Variants in PTBP1 observed in about 807,000 individuals in gnomAD.
PTBP1 encodes polypyrimidine tract-binding protein 1.
PTBP1 carries 8 observed loss-of-function variants against 59.8 expected under a neutral mutation model. The ratio of observed to expected loss-of-function variants is 0.13; its 90% CI spans 0.08 to 0.24. The LOEUF (loss-of-function observed/expected upper bound fraction) is 0.24. Among genes scored for constraint, PTBP1 ranks in the 10% least tolerant of loss-of-function variants. The pLI is 1.00. For missense variants in PTBP1, 686 were observed against 767.0 expected (o/e 0.89, Z 1.25); for synonymous variants, 490 against 320.7 (o/e 1.53, Z -5.64).
intron 2 of PTBP1, among the ~76,000 whole-genome samples, chr19:802,469 G>A (rs1399891812): frequency 6.6e-6 from 1 of 152,014 alleles, no homozygotes; most frequent in Non-Finnish European, 1.5e-5. Context: ...GGGGGGACAG[G>A]GTGTGATATC....
In PTBP1 at chr19:806,436, C is replaced by G; in HGVS notation, c.999C>G (p.Ala333=). Residue 333 remains alanine (A), a synonymous_variant, in exon 10 of 15, where the codon GCC becomes GCG. Coordinates refer to ENST00000356948, the MANE Select transcript of PTBP1 (RefSeq NM_002819.5). ...AGLSVPNVHG[A]LAPLAIPSAA... ...TTTCCGTTCCGAACGTCCACGGCGC[C>G]CTGGCCCCCCTGGCCATCCCCTCGG... 6.2e-7 allele frequency: 1 copy of G among 1,601,764 alleles called. No homozygotes were observed. The highest frequency in any genetic ancestry group is 8.5e-7 in the Non-Finnish European group (1 of 1,174,430).
chr19:810,233 C>A (rs1464798280), intron 13 of PTBP1, among the ~76,000 whole-genome samples: 1 of 152,152 alleles, frequency 6.6e-6, no homozygotes, highest in South Asian at 2.1e-4. Flanking sequence ...CTTGAACCTG[C>A]AGGCGGAGGT....
At position 806,491 on chromosome 19, in the gene PTBP1, A is replaced by C. The variant is rs773692627; in HGVS notation, c.1054A>C (p.Ile352Leu). 6.3e-7 allele frequency: 1 copy of C among 1,585,298 alleles called. No individual in the cohort carries two copies. Among genetic ancestry groups the C allele is most frequent in the Admixed American group, 1.8e-5 (1 of 56,192 alleles). The part of the protein sequence containing the change: ...AAAAAAAAGR[I>L]AIPGLAGAGN... ...GGCGGCAGCTGCGGCGGCAGGTCGG[A>C]TCGCCATCCCGGGCCTGGCGGGGGC... is the stretch of plus-strand genomic sequence containing the variant. Residue 352 changes from isoleucine (I) to leucine (L), a missense_variant, in exon 10 of 15, where the codon ATC (isoleucine) becomes CTC (leucine). By Grantham distance (5) the Ile-to-Leu change is conservative (BLOSUM62 2). Coordinates refer to ENST00000356948, the MANE Select transcript of PTBP1 (RefSeq NM_002819.5).
chr19:806,260 C>T (rs990280689), intron 9 of PTBP1, 148 bp from the exon 10 acceptor site: 2 of 909,990 alleles, frequency 2.2e-6, no homozygotes, highest in East Asian at 3.4e-5. Flanking sequence ...GGTCGGACGA[C>T]CCCACAGGCA....
At chr19:798,997 G>T (rs995411015) in intron 1 of PTBP1, among the ~76,000 whole-genome samples, 2 of 152,266 alleles carry the variant, frequency 1.3e-5, no homozygotes, top group Non-Finnish European at 2.9e-5. Flanking sequence ...TGGAAGCTCT[G>T]GCCCAGGCCT....
Position 806,440 on chromosome 19 carries a change from GC to G in PTBP1, c.1009del (p.Leu337TrpfsTer57), listed in dbSNP as rs1421431048. The part of the protein sequence containing the change: ...LSVPNVHGAL[A>X]PLAIPSAAAA... ...CGTTCCGAACGTCCACGGCGCCCTG[GC>G]CCCCCTGGCCATCCCCTCGGCGGCG... On this transcript the variant is annotated frameshift_variant, in exon 10 of 15. Coordinates refer to ENST00000356948, the MANE Select transcript of PTBP1 (RefSeq NM_002819.5). LOFTEE classifies it high-confidence loss of function. The G allele has an allele frequency of 1.2e-6, 2 of 1,601,046 alleles. No homozygotes were observed. The highest frequency in any genetic ancestry group is 1.7e-6 in the Non-Finnish European group (2 of 1,174,164).
At chr19:803,752 C>A in intron 3 of PTBP1, 116 bp downstream of exon 3, 2 of 959,874 alleles carry the variant, frequency 2.1e-6, no homozygotes, top group Non-Finnish European at 3.2e-6. Context: ...CCATGGTCCA[C>A]GCTACAGACC....
chr19:798,410 T>C lies in PTBP1; in HGVS notation c.8+905T>C, dbSNP rs1251454917. 3 of 152,282 alleles carry C rather than the reference T, an allele frequency of 2.0e-5. No individual in the cohort carries two copies. In the East Asian group the frequency reaches 5.8e-4, roughly 29 times the overall value. 9.4% of individuals were successfully genotyped at this position (152,282 alleles called of 1,614,324 possible). The stretch of plus-strand genomic sequence containing the variant: ...GAGAGGCTGGAGATGTTTCGCATTC[T>C]TTCCGTTTTCCTGAGAAGTTTTTCT... On this transcript the variant is annotated intron_variant, in intron 1 of 14. Transcript: ENST00000356948.
chr19:806,189 CCGGCCCGTGCTGTGAGGAGAGGCGGG>C (rs2034562779), intron 9 of PTBP1, 193 bp from the exon 10 acceptor site: 1 of 486,578 alleles, frequency 2.1e-6, no homozygotes, highest in Non-Finnish European at 3.6e-6. Flanking sequence ...CAGGCCCGGC[CCGGCCCGTGCTGTGAGGAGAGGCGGG>C]CGCTGGTGCA....
chr19:806,270 A>C, intron 9 of PTBP1, 138 bp from the exon 10 acceptor site: 1 of 1,010,230 alleles, frequency 9.9e-7, no homozygotes, highest in South Asian at 2.0e-5. Context: ...CCCCACAGGC[A>C]CCCAGGGTAG....
At chr19:805,368 C>A in intron 8 of PTBP1, 124 bp from the exon 9 acceptor site, 1 of 1,198,026 alleles carries the variant, frequency 8.3e-7, no homozygotes, top group Non-Finnish European at 1.2e-6. Context: ...CCTGGAGCAG[C>A]GGATCTGCCC....
intron 2 of PTBP1, among the ~76,000 whole-genome samples, chr19:800,436 G>C (rs1219399095): frequency 6.6e-6 from 1 of 152,220 alleles, no homozygotes; most frequent in South Asian, 2.1e-4. Context: ...GGCGATTCTC[G>C]AGGGAGCTGT....
intron 10 of PTBP1, 67 bp downstream of exon 10, chr19:806,623 G>A: frequency 1.4e-6 from 2 of 1,411,828 alleles, no homozygotes; most frequent in South Asian, 1.5e-5. Context: ...TTGTGCTCGG[G>A]CTCGGGTCCC....
chr19:806,033 C>T (rs1458046995), intron 9 of PTBP1: 2 of 234,014 alleles, frequency 8.5e-6, no homozygotes, highest in Non-Finnish European at 1.6e-5. Context: ...CAGCGCGTGC[C>T]GCCCGGCGGC....
rs150164582 is a variant in PTBP1 at position 801,730 on chromosome 19, C to T, written c.40-1831C>T. On this transcript the variant is annotated intron_variant, in intron 2 of 14. Transcript: ENST00000356948. ...GGTTGGAGGCCCTGCGTCTCAGGTGCACCCATCCTCCCTTCCTCCCGTCCT... is the reference window on the plus strand; with the variant it reads ...GGTTGGAGGCCCTGCGTCTCAGGTGTACCCATCCTCCCTTCCTCCCGTCCT... Among the ~76,000 whole-genome samples, 1,315 of 152,310 alleles carry T rather than the reference C, an allele frequency of 8.6e-3. 7 individuals carry two copies. The highest frequency in any genetic ancestry group is 0.014 in the Non-Finnish European group (962 of 68,014).
At chr19:809,047 C>T (rs569237023) in intron 13 of PTBP1, among the ~76,000 whole-genome samples, 6 of 152,284 alleles carry the variant, frequency 3.9e-5, no homozygotes, top group South Asian at 2.1e-4. Context: ...CTTGCTTTGT[C>T]ACCCAGGCTG....
At chr19:798,381 G>A (rs2034176236) in intron 1 of PTBP1, 1 of 152,332 alleles carries the variant, frequency 6.6e-6, no homozygotes, top group African/African-American at 2.4e-5. Context: ...GGAATAGGAA[G>A]CGGGAGAGGC....
At chr19:798,943 A>T (rs1225899442) in intron 1 of PTBP1, among the ~76,000 whole-genome samples, 5 of 151,938 alleles carry the variant, frequency 3.3e-5, no homozygotes, top group Admixed American at 3.3e-4. Context: ...ATCGGGCTCC[A>T]CTCTGCTGAG....
At chr19:809,265 C>T (rs1043954446) in intron 13 of PTBP1, among the ~76,000 whole-genome samples, 1 of 151,982 alleles carries the variant, frequency 6.6e-6, no homozygotes, top group Non-Finnish European at 1.5e-5. Context: ...CTTCGGCCTC[C>T]CAAAGTGCTG....
Sources: allele counts gnomAD v4.1 joint callset (sites outside exome capture counted in the v4.1 genomes callset), GRCh38; gene constraint gnomAD v4.1.1; transcripts MANE v1.5; gene names NCBI Gene and HGNC (gene_info 2026-07-23, HGNC 2026-07-21).